ZDHHC20: variants seen among roughly 807,000 people sequenced by gnomAD.
ZDHHC20 encodes the protein zDHHC palmitoyltransferase 20.
In ZDHHC20, 43 loss-of-function variants were observed where a neutral mutation model predicts 57.8. The ratio of observed to expected loss-of-function variants is 0.74; its 90% CI spans 0.58 to 0.96. ZDHHC20 has a LOEUF of 0.96. ZDHHC20 is among the 40% of genes least tolerant of loss of function. The pLI is 0.00. For missense variants in ZDHHC20, 391 were observed against 441.1 expected (o/e 0.89, Z 1.02); for synonymous variants, 157 against 153.0 (o/e 1.03, Z -0.19).
chr13:21,431,451 G>A (rs1881930390), intron 1 of ZDHHC20, among the ~76,000 whole-genome samples: 1 of 148,660 alleles, frequency 6.7e-6, no homozygotes, highest in Admixed American at 6.9e-5. Context: ...TATGGATGGG[G>A]ACACAGCCAA....
chr13:21,403,419 A>G (rs1342305198), intron 4 of ZDHHC20, among the ~76,000 whole-genome samples: 1 of 152,196 alleles, frequency 6.6e-6, no homozygotes, highest in Non-Finnish European at 1.5e-5. Flanking sequence ...ATTGTTGCCT[A>G]ATACATATGT....
chr13:21,418,837 C>A (rs1282037887), intron 3 of ZDHHC20, among the ~76,000 whole-genome samples: 1 of 152,114 alleles, frequency 6.6e-6, no homozygotes, highest in African/African-American at 2.4e-5. Flanking sequence ...CCATGCCCAG[C>A]TAATTTTTTT....
intron 1 of ZDHHC20, among the ~76,000 whole-genome samples, chr13:21,456,487 C>T (rs916872848): frequency 6.6e-6 from 1 of 152,104 alleles, no homozygotes; most frequent in African/African-American, 2.4e-5. Context: ...CTCACACTTC[C>T]CTCCATTTAA....
intron 1 of ZDHHC20, among the ~76,000 whole-genome samples, chr13:21,457,336 G>C (rs1276680410): frequency 6.6e-6 from 1 of 152,144 alleles, no homozygotes; most frequent in Non-Finnish European, 1.5e-5. Context: ...TCTTCTGACA[G>C]AATAGGAATG....
chr13:21,383,113 T>C (rs747864194), intron 9 of ZDHHC20, 104 bp from the exon 10 acceptor site: 87 of 1,070,024 alleles, frequency 8.1e-5, no homozygotes, highest in Non-Finnish European at 1.1e-4. Flanking sequence ...TATCATAACT[T>C]GTCATATAAG....
At chr13:21,408,392 G>A (rs1319253628) in intron 4 of ZDHHC20, among the ~76,000 whole-genome samples, 6 of 152,164 alleles carry the variant, frequency 3.9e-5, no homozygotes, top group Admixed American at 3.9e-4. Flanking sequence ...TTGTGAATGG[G>A]AGGTCACTCA....
chr13:21,445,962 A>C (rs889526120), intron 1 of ZDHHC20, among the ~76,000 whole-genome samples: 1 of 152,218 alleles, frequency 6.6e-6, no homozygotes, highest in Non-Finnish European at 1.5e-5. Context: ...CTGGGAGGAA[A>C]GCATTCCAGG....
chr13:21,455,255 A>C (rs1189788196), intron 1 of ZDHHC20, among the ~76,000 whole-genome samples: 1 of 152,196 alleles, frequency 6.6e-6, no homozygotes, highest in Non-Finnish European at 1.5e-5. Flanking sequence ...CATCAGAAGT[A>C]AAGGGACTGA....
chr13:21,406,246 G>A (rs1482124883), intron 4 of ZDHHC20, among the ~76,000 whole-genome samples: 1 of 152,084 alleles, frequency 6.6e-6, no homozygotes, highest in Non-Finnish European at 1.5e-5. Context: ...TGGGCCCTGG[G>A]ACATCTTCTC....
At chr13:21,396,192 G>A (rs1876755435) in intron 7 of ZDHHC20, among the ~76,000 whole-genome samples, 1 of 152,124 alleles carries the variant, frequency 6.6e-6, no homozygotes, top group African/African-American at 2.4e-5. Flanking sequence ...CCTTCCTCTT[G>A]GCGCTGTGAG....
At position 21,423,206 on chromosome 13, in the gene ZDHHC20, T is replaced by A. The variant is rs538107034; in HGVS notation, c.146-2042A>T. Among the ~76,000 whole-genome samples, 74 of 152,340 alleles carry A rather than the reference T, an allele frequency of 4.9e-4. 1 individual carries two copies. Among genetic ancestry groups the A allele is most frequent in the African/African-American group, 1.8e-3 (73 of 41,576 alleles). The stretch of plus-strand genomic sequence containing the variant: ...TGGTCATATTCCACTTCTAAGCCAA[T>A]ATCTGATGCCAAGATAAAATCGTAA... On this transcript the variant is annotated intron_variant, in intron 2 of 12. Coordinates refer to ENST00000400590, the MANE Select transcript of ZDHHC20 (RefSeq NM_001330059.2).
At chr13:21,413,110 A>G (rs1343883803) in intron 4 of ZDHHC20, among the ~76,000 whole-genome samples, 1 of 152,172 alleles carries the variant, frequency 6.6e-6, no homozygotes, top group Admixed American at 6.6e-5. Context: ...ACCTAGGAAC[A>G]GGAAGCTGCT....
At chr13:21,458,610 T>C (rs1185105240) in intron 1 of ZDHHC20, among the ~76,000 whole-genome samples, 1 of 152,166 alleles carries the variant, frequency 6.6e-6, no homozygotes, top group East Asian at 1.9e-4. Flanking sequence ...TAACAGGCGT[T>C]TCTTCTCGCG....
chr13:21,432,278 C>T (rs969777456), intron 1 of ZDHHC20, among the ~76,000 whole-genome samples: 2 of 151,758 alleles, frequency 1.3e-5, no homozygotes, highest in African/African-American at 4.8e-5. Context: ...CATTTTCCTG[C>T]CTCAGCCTCC....
At chr13:21,441,937 G>A (rs1351909616) in intron 1 of ZDHHC20, among the ~76,000 whole-genome samples, 2 of 151,944 alleles carry the variant, frequency 1.3e-5, no homozygotes, top group Non-Finnish European at 1.5e-5. Context: ...AATTAATTCC[G>A]TCAATACAAT....
intron 1 of ZDHHC20, among the ~76,000 whole-genome samples, chr13:21,445,020 G>A (rs1470517814): frequency 6.6e-6 from 1 of 152,022 alleles, no homozygotes; most frequent in Non-Finnish European, 1.5e-5. Flanking sequence ...CATGCCAAAT[G>A]CACTCCAGCC....
intron 1 of ZDHHC20, among the ~76,000 whole-genome samples, chr13:21,433,743 G>T (rs181533768): frequency 1.4e-4 from 22 of 152,268 alleles, no homozygotes; most frequent in Non-Finnish European, 2.5e-4. Context: ...AGATCAACTT[G>T]GGGAGAAGTA....
At chr13:21,410,379 C>A (rs536689976) in intron 4 of ZDHHC20, among the ~76,000 whole-genome samples, 13 of 152,290 alleles carry the variant, frequency 8.5e-5, no homozygotes, top group African/African-American at 2.9e-4. Flanking sequence ...TAGCAGAGCT[C>A]GAGTACTGTG....
intron 7 of ZDHHC20, 64 bp downstream of exon 7, chr13:21,400,309 T>C (rs1361614877): frequency 2.1e-6 from 3 of 1,426,074 alleles, no homozygotes; most frequent in Middle Eastern, 2.0e-4. Flanking sequence ...AATAAAGTAA[T>C]TTATTAGGAA....
Sources: gnomAD v4.1 joint callset for allele counts (sites outside exome capture counted in the v4.1 genomes callset) on GRCh38, gnomAD v4.1.1 for gene constraint, MANE v1.5 for transcripts, NCBI Gene and HGNC (gene_info 2026-07-23, HGNC 2026-07-21) for gene names.